NELL2: variants seen among roughly 807,000 people sequenced by gnomAD.
The protein encoded by NELL2 is neural EGFL like 2.
A neutral mutation model predicts 109.6 loss-of-function variants in NELL2; 41 were observed. The observed-to-expected ratio is 0.37, with a 90% CI of 0.29 to 0.49. The LOEUF (loss-of-function observed/expected upper bound fraction) is 0.49, where lower values mean the gene tolerates loss of function less well. Among genes scored for constraint, NELL2 ranks in the 20% least tolerant of loss-of-function variants. NELL2 has a pLI of 0.98. For synonymous variants in NELL2, 355 were observed against 344.7 expected, an observed-to-expected ratio of 1.03 and a Z score of -0.33; for missense variants, 900 against 1,008.3, an observed-to-expected ratio of 0.89 and a Z score of 1.45.
chr12:44,861,252 G>C (rs1944833593), intron 2 of NELL2, among the ~76,000 whole-genome samples: 1 of 152,150 alleles, frequency 6.6e-6, no homozygotes. Context: ...ATGAGCACTT[G>C]ACTTTGTTTC....
chr12:44,711,304 TGCA>T lies in NELL2; in HGVS notation c.1174_1176del (p.Cys392del). ...AAAAAAGTCTTACCTTTACAAACTT[TGCA>T]ACAGCTGTGAGACAAGGTTATCTGA... On this transcript the variant is annotated inframe_deletion, in exon 11 of 20. Transcript: ENST00000429094. 1 of 1,612,190 alleles carries T rather than the reference TGCA, an allele frequency of 6.2e-7. No homozygotes were observed. The highest frequency in any genetic ancestry group is 8.5e-7 in the Non-Finnish European group (1 of 1,178,618).
intron 9 of NELL2, among the ~76,000 whole-genome samples, chr12:44,739,246 C>A (rs545114148): frequency 4.0e-5 from 6 of 151,866 alleles, no homozygotes; most frequent in Non-Finnish European, 7.4e-5. Flanking sequence ...ACCACCAAAC[C>A]AAGGTAGAAA....
At position 44,822,944 on chromosome 12, in the gene NELL2, G is replaced by C. The variant is rs78867710; in HGVS notation, c.185-6808C>G. On this transcript the variant is annotated intron_variant, in intron 2 of 19. Coordinates refer to ENST00000429094, the MANE Select transcript of NELL2 (RefSeq NM_001145108.2). ...TACATAGTTAACAAAGAAAGGCAGG[G>C]GGAGGAGGAGACAGAGAGAGAGAGA... Among the ~76,000 whole-genome samples, 920 of 152,154 alleles carry C rather than the reference G, an allele frequency of 6.0e-3. 12 individuals are homozygous for C. Among genetic ancestry groups the C allele is most frequent in the African/African-American group, 0.02 (848 of 41,516 alleles).
intron 2 of NELL2, among the ~76,000 whole-genome samples, chr12:44,847,354 G>A (rs935828467): frequency 6.6e-6 from 1 of 152,114 alleles, no homozygotes; most frequent in African/African-American, 2.4e-5. Context: ...CATTCCTTAA[G>A]TATTATAATC....
intron 9 of NELL2, among the ~76,000 whole-genome samples, chr12:44,749,961 G>T (rs558364569): frequency 1.9e-4 from 28 of 151,040 alleles, no homozygotes; most frequent in Non-Finnish European, 3.1e-4. Flanking sequence ...ACGTAAACCA[G>T]GAAACTAGCA....
chr12:44,572,765 C>A (rs945726248), intron 15 of NELL2, among the ~76,000 whole-genome samples: 7 of 152,154 alleles, frequency 4.6e-5, no homozygotes, highest in African/African-American at 1.7e-4. Flanking sequence ...GAGTATGATG[C>A]AATGGCTTAA....
At chr12:44,853,521 C>T (rs1044332341) in intron 2 of NELL2, among the ~76,000 whole-genome samples, 1 of 152,036 alleles carries the variant, frequency 6.6e-6, no homozygotes, top group African/African-American at 2.4e-5. Flanking sequence ...GTGAAAAAAT[C>T]CCTCTTTTCA....
intron 15 of NELL2, among the ~76,000 whole-genome samples, chr12:44,538,255 T>C (rs1462124239): frequency 6.6e-6 from 1 of 152,204 alleles, no homozygotes; most frequent in Non-Finnish European, 1.5e-5. Flanking sequence ...TATCACAGTG[T>C]ATATCTTAAA....
intron 9 of NELL2, among the ~76,000 whole-genome samples, chr12:44,754,260 T>A (rs1174546000): frequency 6.6e-6 from 1 of 152,178 alleles, no homozygotes; most frequent in Non-Finnish European, 1.5e-5. Flanking sequence ...TGGATATAAT[T>A]TGGTAGTTTG....
chr12:44,540,198 TC>T (rs1000926902), intron 15 of NELL2, among the ~76,000 whole-genome samples: 46 of 152,322 alleles, frequency 3.0e-4, no homozygotes, highest in African/African-American at 1.1e-3. Context: ...TAAAATCTCT[TC>T]TTTTTTACTT....
At chr12:44,541,986 G>A (rs1342961532) in intron 15 of NELL2, among the ~76,000 whole-genome samples, 2 of 152,162 alleles carry the variant, frequency 1.3e-5, no homozygotes, top group South Asian at 2.1e-4. Context: ...CATACACAAT[G>A]TTGCCTCACA....
chr12:44,682,170 G>A, intron 12 of NELL2, among the ~76,000 whole-genome samples: 1 of 150,188 alleles, frequency 6.7e-6, no homozygotes, highest in East Asian at 1.9e-4. Flanking sequence ...GATGGCCAGA[G>A]ATGGTGAGCA....
chr12:44,588,007 C>A (rs1245906567), intron 15 of NELL2, among the ~76,000 whole-genome samples: 1 of 151,790 alleles, frequency 6.6e-6, no homozygotes, highest in Non-Finnish European at 1.5e-5. Flanking sequence ...AAAAATTAGC[C>A]AGGCGTGGTG....
At chr12:44,690,940 A>G (rs1039255858) in intron 12 of NELL2, among the ~76,000 whole-genome samples, 1 of 152,208 alleles carries the variant, frequency 6.6e-6, no homozygotes, top group Non-Finnish European at 1.5e-5. Flanking sequence ...CTAATTGATG[A>G]CTTAATTTAT....
intron 13 of NELL2, among the ~76,000 whole-genome samples, chr12:44,623,611 GC>G (rs1272536153): frequency 6.6e-6 from 1 of 151,972 alleles, no homozygotes; most frequent in Non-Finnish European, 1.5e-5. Flanking sequence ...GGGAGCTCTT[GC>G]CCCCAGGAAT....
intron 16 of NELL2, among the ~76,000 whole-genome samples, chr12:44,530,774 C>G (rs569584949): frequency 1.3e-5 from 2 of 152,266 alleles, no homozygotes; most frequent in African/African-American, 4.8e-5. Flanking sequence ...CCCACTCCCC[C>G]CATTACCACT....
At position 44,798,268 on chromosome 12, in the gene NELL2, A is replaced by T. The variant is rs61930963; in HGVS notation, c.335+17718T>A. 6.7e-3 allele frequency among the ~76,000 whole-genome samples: 1,013 copies of T among 152,046 alleles called. 5 individuals are homozygous for T. Among genetic ancestry groups the T allele is most frequent in the South Asian group, 0.015 (71 of 4,808 alleles). On this transcript the variant is annotated intron_variant, in intron 3 of 19. Transcript: ENST00000429094. ...TAAGGTATAAGAATTTGAAATAAAT[A>T]TCACTATTTTTATTGGTGGACAACA... is the stretch of plus-strand genomic sequence containing the variant.
intron 13 of NELL2, among the ~76,000 whole-genome samples, chr12:44,644,896 A>C (rs1294084547): frequency 1.3e-5 from 2 of 151,790 alleles, no homozygotes; most frequent in African/African-American, 4.8e-5. Flanking sequence ...ACAGTTAGGA[A>C]GAAAAAAAAG....
intron 1 of NELL2, among the ~76,000 whole-genome samples, chr12:44,898,541 A>T (rs1945621658): frequency 6.6e-6 from 1 of 152,164 alleles, no homozygotes; most frequent in South Asian, 2.1e-4. Context: ...AAACCAACAA[A>T]CAGAAAGCAA....
Sources: gnomAD v4.1 joint callset for allele counts (sites outside exome capture counted in the v4.1 genomes callset) on GRCh38, gnomAD v4.1.1 for gene constraint, MANE v1.5 for transcripts, NCBI Gene and HGNC (gene_info 2026-07-23, HGNC 2026-07-21) for gene names.